Variants in SAP130 observed in about 807,000 individuals in gnomAD.
The protein encoded by SAP130 is Sin3A associated protein 130.
SAP130 carries 16 observed loss-of-function variants against 103.2 expected under a neutral mutation model. The observed-to-expected ratio is 0.16, with a 90% CI of 0.10 to 0.24. The LOEUF (loss-of-function observed/expected upper bound fraction) is 0.24, where lower values mean the gene tolerates loss of function less well. Among genes scored for constraint, SAP130 ranks in the 10% least tolerant of loss-of-function variants. The pLI is 1.00. For synonymous variants in SAP130, 477 were observed against 497.0 expected, an observed-to-expected ratio of 0.96 and a Z score of 0.53; for missense variants, 990 against 1,359.7, an observed-to-expected ratio of 0.73 and a Z score of 4.28.
Position 127,941,707 on chromosome 2 carries a change from C to T in SAP130, c.*299G>A. 2.6e-6 allele frequency: 1 copy of T among 385,598 alleles called. No homozygotes were observed. The highest frequency in any genetic ancestry group is 4.6e-6 in the Non-Finnish European group (1 of 216,664). The allele number at this position is 385,598 out of a possible 1,614,324, so 23.9% of individuals were successfully genotyped here. A position where few individuals can be genotyped will look rare whatever the true frequency, so the allele number is the denominator to read the frequency against. The stretch of plus-strand genomic sequence containing the variant: ...GTCTATAAACCGGAAGGCTGAAAAA[C>T]ACCAGCCAGCCATCCTTGTCATTGC... On this transcript the variant is annotated 3_prime_UTR_variant, in exon 21 of 21. Coordinates refer to ENST00000643581, the MANE Select transcript of SAP130 (RefSeq NM_001330301.2).
intron 10 of SAP130, 34 bp downstream of exon 10, chr2:127,999,707 G>A (rs368642421): frequency 3.8e-5 from 50 of 1,317,104 alleles, no homozygotes; most frequent in Non-Finnish European, 5.1e-5. Flanking sequence ...AGCACTCCTG[G>A]TAAGCTTCTG....
chr2:128,012,361 T>A (rs1573828911), intron 6 of SAP130, among the ~76,000 whole-genome samples: 1 of 151,972 alleles, frequency 6.6e-6, no homozygotes, highest in African/African-American at 2.4e-5. Flanking sequence ...TCCCAAGTAC[T>A]TGGAAGGCTG....
At chr2:127,988,198 G>A (rs1030814132) in intron 13 of SAP130, among the ~76,000 whole-genome samples, 1 of 152,188 alleles carries the variant, frequency 6.6e-6, no homozygotes, top group Non-Finnish European at 1.5e-5. Context: ...CAAGGCTGAA[G>A]GATAGCTTGA....
chr2:128,000,792 T>TG (rs1284978742), intron 7 of SAP130, among the ~76,000 whole-genome samples: 2 of 152,060 alleles, frequency 1.3e-5, no homozygotes, highest in Admixed American at 6.6e-5. Context: ...ACAGTGCTTT[T>TG]GGGGGGCGCA....
chr2:127,949,327 A>C (rs1679334101), intron 18 of SAP130, among the ~76,000 whole-genome samples: 2 of 152,194 alleles, frequency 1.3e-5, no homozygotes, highest in Admixed American at 1.3e-4. Context: ...TACTATCAGC[A>C]TTTTCAATCA....
At chr2:127,993,374 T>C in intron 11 of SAP130, 66 bp from the exon 12 acceptor site, 1 of 1,508,444 alleles carries the variant, frequency 6.6e-7, no homozygotes. Flanking sequence ...AATGATCCTA[T>C]ACCCCAGTTC....
chr2:128,027,870 G>T, intron 1 of SAP130, 70 bp downstream of exon 1: 1 of 931,258 alleles, frequency 1.1e-6, no homozygotes, highest in Non-Finnish European at 1.3e-6. Context: ...GACGGACGCT[G>T]CAGCCCGGCT....
rs184895804 is a variant in SAP130, at chr2:127,968,406, C to T, written c.2063+9579G>A. ...GATTACAGACGTGAGCCACCATGCC[C>T]GGAGTTGGTTTTTTTTTTTTTTTTT... On this transcript the variant is annotated intron_variant, in intron 15 of 20. Transcript: ENST00000643581. Among the ~76,000 whole-genome samples the T allele has an allele frequency of 4.4e-3, 647 of 148,182 alleles. 5 individuals are homozygous for T. The highest frequency in any genetic ancestry group is 0.015 in the African/African-American group (601 of 40,082).
At chr2:128,021,108 A>C (rs1685122016) in intron 2 of SAP130, among the ~76,000 whole-genome samples, 1 of 152,100 alleles carries the variant, frequency 6.6e-6, no homozygotes, top group Non-Finnish European at 1.5e-5. Flanking sequence ...AATCTTGTCC[A>C]ATGATCTCTT....
At chr2:127,969,170 G>A (rs1056412415) in intron 15 of SAP130, among the ~76,000 whole-genome samples, 1 of 152,136 alleles carries the variant, frequency 6.6e-6, no homozygotes, top group Admixed American at 6.5e-5. Context: ...AGGTTGGCGG[G>A]GGGAGAGGGA....
chr2:127,949,725 T>TA, intron 18 of SAP130, 144 bp downstream of exon 18: 1 of 823,436 alleles, frequency 1.2e-6, no homozygotes, highest in Admixed American at 2.7e-5. Context: ...AGGATATACT[T>TA]AAACACTAAA....
At chr2:128,017,955 TCCCAGTG>T in intron 2 of SAP130, 40 bp from the exon 3 acceptor site, 1 of 1,530,016 alleles carries the variant, frequency 6.5e-7, no homozygotes, top group African/African-American at 1.4e-5. Flanking sequence ...TGTCACAGTC[TCCCAGTG>T]TAAGATAGCA....
Position 128,015,241 on chromosome 2 carries a change from A to AT in SAP130, c.508-328dup, listed in dbSNP as rs1341111184. Among the ~76,000 whole-genome samples the AT allele has an allele frequency of 4.6e-5, 7 of 152,112 alleles. No individual in the cohort carries two copies. The East Asian group carries it at 7.7e-4, about 17-fold the overall frequency. On this transcript the variant is annotated intron_variant, in intron 4 of 20. Transcript: ENST00000643581. The stretch of plus-strand genomic sequence containing the variant: ...TTTTCCCTGTTCTGGCCAAATGCTT[A>AT]TTTTTTTTCCCATTCTCACTATTTC...
At chr2:127,987,085 A>C (rs1436285052) in intron 13 of SAP130, 123 bp from the exon 14 acceptor site, 2 of 827,282 alleles carry the variant, frequency 2.4e-6, no homozygotes, top group Non-Finnish European at 3.8e-6. Context: ...TCCAATTTCA[A>C]ACTGATAAGG....
intron 13 of SAP130, among the ~76,000 whole-genome samples, chr2:127,988,992 G>A (rs1682592096): frequency 6.6e-6 from 1 of 152,140 alleles, no homozygotes; most frequent in Admixed American, 6.6e-5. Context: ...AATCTTCAAT[G>A]AGAATACTAC....
At chr2:128,007,800 G>T (rs1327621892) in intron 7 of SAP130, among the ~76,000 whole-genome samples, 1 of 152,054 alleles carries the variant, frequency 6.6e-6, no homozygotes, top group Non-Finnish European at 1.5e-5. Flanking sequence ...TCACTCTCTA[G>T]TACCCCTGGA....
At chr2:127,958,341 G>C (rs1261702744) in intron 15 of SAP130, among the ~76,000 whole-genome samples, 1 of 152,204 alleles carries the variant, frequency 6.6e-6, no homozygotes, top group East Asian at 1.9e-4. Context: ...TTGAACCCAG[G>C]AGGCAGAGGT....
In SAP130 at chr2:127,955,024, TCTTTCA is replaced by T. The variant is rs1679733234; in HGVS notation, c.2378_2383del (p.Val793_Lys794del). On this transcript the variant is annotated inframe_deletion, in exon 16 of 21. Coordinates refer to ENST00000643581, the MANE Select transcript of SAP130 (RefSeq NM_001330301.2). The surrounding 1 kb of genome is among the most constrained non-coding windows in gnomAD (Gnocchi z 4.9). ...CATGATATCCATTGGTTCTACTTCT[TCTTTCA>T]CTTTAATTTCAGGAACGGGAGGGCC... The T allele has an allele frequency of 1.2e-6, 2 of 1,613,716 alleles. No homozygotes were observed. Among genetic ancestry groups the T allele is most frequent in the Admixed American group, 1.7e-5 (1 of 59,980 alleles).
intron 3 of SAP130, among the ~76,000 whole-genome samples, chr2:128,017,429 C>G (rs112179359): frequency 1.3e-5 from 2 of 152,020 alleles, no homozygotes; most frequent in African/African-American, 4.8e-5. Context: ...ACTTAACATG[C>G]CCATAAGTTG....
Sources: allele counts gnomAD v4.1 joint callset (sites outside exome capture counted in the v4.1 genomes callset), GRCh38; gene constraint gnomAD v4.1.1; non-coding constraint Gnocchi (gnomAD v3.1); transcripts MANE v1.5; gene names NCBI Gene and HGNC (gene_info 2026-07-23, HGNC 2026-07-21).